The following NRXN3 variants were observed in gnomAD, a reference collection of about 807,000 sequenced individuals.
NRXN3 encodes the protein neurexin 3.
A neutral mutation model predicts 137.6 loss-of-function variants in NRXN3; 32 were observed. The ratio of observed to expected loss-of-function variants is 0.23; its 90% confidence interval spans 0.18 to 0.31. The LOEUF is 0.31. Among genes scored for constraint, NRXN3 ranks in the 10% least tolerant of loss-of-function variants. The pLI is 1.00. For missense variants in NRXN3, 1,574 were observed against 2,062.5 expected (o/e 0.76, Z 4.59); for synonymous variants, 798 against 784.5 (o/e 1.02, Z -0.29).
chr14:79,505,632 A>C (rs908880867), intron 16 of NRXN3, among the ~76,000 whole-genome samples: 1 of 152,218 alleles, frequency 6.6e-6, no homozygotes, highest in Non-Finnish European at 1.5e-5. Context: ...AATATATATT[A>C]CCTTACATAG....
intron 2 of NRXN3, among the ~76,000 whole-genome samples, chr14:78,270,619 A>G (rs75963055): frequency 0.04 from 6,041 of 152,270 alleles, 344 homozygotes; most frequent in African/African-American, 0.13. Context: ...TCAACTTGTC[A>G]TTTTCAGTTT....
intron 4 of NRXN3, among the ~76,000 whole-genome samples, chr14:78,633,311 A>G (rs1445542810): frequency 6.6e-6 from 1 of 151,812 alleles, no homozygotes; most frequent in Non-Finnish European, 1.5e-5. Flanking sequence ...CAAAAATGAA[A>G]TAAATACTTT....
intron 10 of NRXN3, among the ~76,000 whole-genome samples, chr14:78,819,962 C>T (rs1323060937): frequency 2.6e-5 from 4 of 152,148 alleles, no homozygotes; most frequent in Non-Finnish European, 5.9e-5. Context: ...TGCATTCCCT[C>T]AGTGGAGCTC....
At chr14:78,499,872 G>A (rs558740418) in intron 4 of NRXN3, among the ~76,000 whole-genome samples, 3 of 151,262 alleles carry the variant, frequency 2.0e-5, no homozygotes, top group East Asian at 3.9e-4. Flanking sequence ...AGAGAGAGAG[G>A]GAGAGAGAGA....
Position 78,648,814 on chromosome 14 carries a change from A to G in NRXN3, c.1060-2351A>G, listed in dbSNP as rs141012573. Among the ~76,000 whole-genome samples the G allele has an allele frequency of 1.2e-3, 187 of 152,232 alleles. 1 individual carries two copies. The highest frequency in any genetic ancestry group is 4.4e-3 in the African/African-American group (181 of 41,564). On this transcript the variant is annotated intron_variant, in intron 5 of 20. Coordinates refer to ENST00000335750, the MANE Select transcript of NRXN3 (RefSeq NM_001330195.2). The stretch of plus-strand genomic sequence containing the variant: ...CAGTTCTTTGTATCTGTTTTTCTAC[A>G]TGTGGAATGGTACCTGTTGGGGGGT...
At chr14:79,064,065 A>G (rs1319591499) in intron 15 of NRXN3, among the ~76,000 whole-genome samples, 1 of 152,196 alleles carries the variant, frequency 6.6e-6, no homozygotes, top group African/African-American at 2.4e-5. Flanking sequence ...TTCCTAAATA[A>G]TTAAACGGTA....
intron 2 of NRXN3, among the ~76,000 whole-genome samples, chr14:78,264,747 C>T (rs1402731565): frequency 2.6e-5 from 4 of 152,188 alleles, no homozygotes; most frequent in Admixed American, 6.5e-5. Context: ...TGTCTAATAA[C>T]GGCCTTAGAT....
chr14:78,524,235 G>A (rs368078763), intron 4 of NRXN3, among the ~76,000 whole-genome samples: 4 of 152,058 alleles, frequency 2.6e-5, no homozygotes, highest in East Asian at 3.9e-4. Flanking sequence ...ATTTCTACCT[G>A]CATGTGGAGT....
chr14:78,213,386 T>G (rs2062935388), intron 1 of NRXN3, among the ~76,000 whole-genome samples: 2 of 152,008 alleles, frequency 1.3e-5, no homozygotes, highest in Admixed American at 1.3e-4. Context: ...CTATGTAGGA[T>G]TAAAGGGGAG....
intron 4 of NRXN3, among the ~76,000 whole-genome samples, chr14:78,338,561 C>T (rs1220525039): frequency 6.6e-6 from 1 of 152,168 alleles, no homozygotes; most frequent in Non-Finnish European, 1.5e-5. Flanking sequence ...TGCAGACTAG[C>T]TAGGTTTCCA....
intron 4 of NRXN3, among the ~76,000 whole-genome samples, chr14:78,566,693 C>G (rs1474396125): frequency 2.6e-5 from 4 of 152,164 alleles, no homozygotes; most frequent in African/African-American, 7.2e-5. Context: ...CCCATTTTAT[C>G]GAGTCCCTCT....
At chr14:79,254,781 A>G (rs1161044901) in intron 15 of NRXN3, among the ~76,000 whole-genome samples, 1 of 149,880 alleles carries the variant, frequency 6.7e-6, no homozygotes, top group Non-Finnish European at 1.5e-5. Flanking sequence ...TTGGGAGGCA[A>G]TTTCTTCCCT....
chr14:79,273,128 C>T (rs914215379), intron 15 of NRXN3, among the ~76,000 whole-genome samples: 10 of 143,416 alleles, frequency 7.0e-5, no homozygotes, highest in African/African-American at 2.1e-4. Flanking sequence ...GCAGAGATCA[C>T]GCCACTGCAT....
rs767913848 is a variant in NRXN3, at chr14:78,456,893, C to T, written c.757+159033C>T. 1.2e-4 allele frequency among the ~76,000 whole-genome samples: 18 copies of T among 148,014 alleles called. 2 individuals are homozygous for T. The highest frequency in any genetic ancestry group is 4.3e-4 in the South Asian group (2 of 4,660). On this transcript the variant is annotated intron_variant, in intron 4 of 20. Transcript: ENST00000335750. ...TCTTTCTTTCTTTCCTTCTTTCGTTCGTTCATTCCTCCTTCCTTCCTTCCT... is the reference window on the plus strand; with the variant it reads ...TCTTTCTTTCTTTCCTTCTTTCGTTTGTTCATTCCTCCTTCCTTCCTTCCT...
intron 8 of NRXN3, among the ~76,000 whole-genome samples, chr14:78,796,641 G>T (rs1005690401): frequency 6.6e-5 from 10 of 152,126 alleles, no homozygotes; most frequent in African/African-American, 2.4e-4. Flanking sequence ...TATCCCTGAG[G>T]GTATGGAAAG....
At position 79,601,330 on chromosome 14, in the gene NRXN3, C is replaced by G. The variant is rs180930694; in HGVS notation, c.3445-62448C>G. 6.6e-3 allele frequency among the ~76,000 whole-genome samples: 1,009 copies of G among 152,162 alleles called. 14 individuals carry two copies. Among genetic ancestry groups the G allele is most frequent in the Middle Eastern group, 0.044 (13 of 294 alleles). ...TGCTGGGATTACAGGCAGGAGCCAC[C>G]GTGCCCAGCCTGTTGCCTTGTTTCT... On this transcript the variant is annotated intron_variant, in intron 16 of 20. Coordinates refer to ENST00000335750, the MANE Select transcript of NRXN3 (RefSeq NM_001330195.2).
intron 4 of NRXN3, among the ~76,000 whole-genome samples, chr14:78,595,132 T>C (rs1251812309): frequency 1.3e-5 from 2 of 152,146 alleles, no homozygotes. Context: ...TGGCTAGTGA[T>C]TGAGGCAACT....
At chr14:79,084,656 T>A (rs949494271) in intron 15 of NRXN3, among the ~76,000 whole-genome samples, 2 of 152,192 alleles carry the variant, frequency 1.3e-5, no homozygotes, top group Admixed American at 1.3e-4. Flanking sequence ...GGGTGATAGG[T>A]AAATGCCCCT....
At chr14:79,481,741 T>A (rs1179517045) in intron 16 of NRXN3, among the ~76,000 whole-genome samples, 5 of 152,212 alleles carry the variant, frequency 3.3e-5, no homozygotes, top group Non-Finnish European at 7.3e-5. Context: ...AAAGTTTGAT[T>A]ATCACTCAAA....
Sources: allele counts gnomAD v4.1 joint callset (sites outside exome capture counted in the v4.1 genomes callset), GRCh38; gene constraint gnomAD v4.1.1; transcripts MANE v1.5; gene names NCBI Gene and HGNC (gene_info 2026-07-23, HGNC 2026-07-21).